FHIT: variants seen among roughly 807,000 people sequenced by gnomAD.
FHIT encodes the protein fragile histidine triad diadenosine triphosphatase.
A neutral mutation model predicts 17.9 loss-of-function variants in FHIT; 19 were observed. The ratio of observed to expected loss-of-function variants is 1.06; its 90% confidence interval spans 0.74 to 1.56. FHIT has a LOEUF of 1.56. FHIT is among the 40% of genes most tolerant of loss of function. FHIT has a pLI of 0.00. For missense variants in FHIT, 248 were observed against 189.2 expected (o/e 1.31, Z -1.82); for synonymous variants, 81 against 69.7 (o/e 1.16, Z -0.81).
chr3:60,279,799 AGACG>A (rs1442990567), intron 5 of FHIT, among the ~76,000 whole-genome samples: 1 of 152,160 alleles, frequency 6.6e-6, no homozygotes, highest in Admixed American at 6.5e-5. Flanking sequence ...TGGGAGGCCG[AGACG>A]GGCAGATCAG....
chr3:60,123,967 A>AATATATATATATATATATAT (rs1176212050), intron 5 of FHIT, among the ~76,000 whole-genome samples: 3 of 27,796 alleles, frequency 1.1e-4, no homozygotes, highest in Non-Finnish European at 1.9e-4. Flanking sequence ...ATGCACTAAA[A>AATATATATATATATATATAT]ATATATATAT....
chr3:60,690,640 T>C, intron 4 of FHIT: 1 of 521,130 alleles, frequency 1.9e-6, no homozygotes, highest in Non-Finnish European at 3.9e-6. Flanking sequence ...TGGAAGCTTG[T>C]CTGCAAACAG....
intron 8 of FHIT, among the ~76,000 whole-genome samples, chr3:59,786,037 A>C (rs901938777): frequency 6.6e-6 from 1 of 152,214 alleles, no homozygotes; most frequent in African/African-American, 2.4e-5. Flanking sequence ...GACATGCAGC[A>C]TGGCAGAATA....
chr3:60,961,274 G>A (rs1709427128), intron 3 of FHIT, among the ~76,000 whole-genome samples: 1 of 145,944 alleles, frequency 6.9e-6, no homozygotes, highest in African/African-American at 2.4e-5. Context: ...ACTTTTTGAT[G>A]GGGTTGTTTG....
intron 3 of FHIT, among the ~76,000 whole-genome samples, chr3:60,877,682 T>C (rs1704734061): frequency 6.6e-6 from 1 of 152,158 alleles, no homozygotes; most frequent in African/African-American, 2.4e-5. Flanking sequence ...ATCCCAGGGC[T>C]GAGCTGATGT....
At chr3:61,141,786 G>C (rs1435224532) in intron 2 of FHIT, among the ~76,000 whole-genome samples, 1 of 151,558 alleles carries the variant, frequency 6.6e-6, no homozygotes, top group Non-Finnish European at 1.5e-5. Flanking sequence ...TCTCAGGATT[G>C]TAATGGCAAT....
At chr3:60,508,396 T>C (rs2034819520) in intron 5 of FHIT, among the ~76,000 whole-genome samples, 3 of 152,184 alleles carry the variant, frequency 2.0e-5, no homozygotes, top group Non-Finnish European at 2.9e-5. Context: ...TACTTGAAAA[T>C]AACCCATAAT....
chr3:60,026,711 G>A lies in FHIT; in HGVS notation c.104-12559C>T, dbSNP rs149891685. Among the ~76,000 whole-genome samples, 16 of 152,090 alleles carry A rather than the reference G, an allele frequency of 1.1e-4. No homozygotes were observed. The East Asian group carries it at 2.1e-3, about 20-fold the overall frequency. ...GGAAAAATATTGTAAATATTTAAAC[G>A]CATTTAGAATTTGCAAGTTTTTTTC... On this transcript the variant is annotated intron_variant, in intron 5 of 9. Coordinates refer to ENST00000492590, the MANE Select transcript of FHIT (RefSeq NM_002012.4).
In FHIT at chr3:60,848,304, T is replaced by C. The variant is rs150884513; in HGVS notation, c.-110-26293A>G. The stretch of plus-strand genomic sequence containing the variant: ...TTTACAGGGGTTTTCATTTAGAAAC[T>C]ATTGAGAACTTTACTATCAAATTGT... On this transcript the variant is annotated intron_variant, in intron 3 of 9. Transcript: ENST00000492590. Among the ~76,000 whole-genome samples the C allele has an allele frequency of 9.4e-3, 1,437 of 152,308 alleles. 10 individuals carry two copies. Among genetic ancestry groups the C allele is most frequent in the Non-Finnish European group, 0.014 (973 of 68,034 alleles).
At position 60,130,628 on chromosome 3, in the gene FHIT, T is replaced by C. The variant is rs111397342; in HGVS notation, c.104-116476A>G. 4.0e-3 allele frequency among the ~76,000 whole-genome samples: 283 copies of C among 69,984 alleles called. 1 individual carries two copies. The highest frequency in any genetic ancestry group is 0.015 in the African/African-American group (262 of 17,094). 45.9% of individuals were successfully genotyped at this position (69,984 alleles called of 152,430 possible). On this transcript the variant is annotated intron_variant, in intron 5 of 9. Coordinates refer to ENST00000492590, the MANE Select transcript of FHIT (RefSeq NM_002012.4). ...GTGACCTATAAATAATGAAATCATA[T>C]ACAAAAATAAAGAAACACCCCACAT...
At chr3:60,241,529 TA>T (rs1004135344) in intron 5 of FHIT, among the ~76,000 whole-genome samples, 1 of 152,184 alleles carries the variant, frequency 6.6e-6, no homozygotes, top group Admixed American at 6.5e-5. Context: ...ATCTTCCTAT[TA>T]ATCTGTAGTT....
At chr3:60,788,247 C>T (rs761390249) in intron 4 of FHIT, among the ~76,000 whole-genome samples, 7 of 152,012 alleles carry the variant, frequency 4.6e-5, no homozygotes, top group Non-Finnish European at 8.8e-5. Flanking sequence ...ACTATGATTG[C>T]ACCACTGCAC....
In FHIT at chr3:60,912,751, C is replaced by T. The variant is rs115503517; in HGVS notation, c.-110-90740G>A. On this transcript the variant is annotated intron_variant, in intron 3 of 9. Transcript: ENST00000492590. ...TCCATTAGTTCCCCCATATATTTACCTTCTCACAATTTGCAGAAACTCAAA... is the reference window on the plus strand; with the variant it reads ...TCCATTAGTTCCCCCATATATTTACTTTCTCACAATTTGCAGAAACTCAAA... 1,001 of 516,416 alleles carry T rather than the reference C, an allele frequency of 1.9e-3. 6 individuals carry two copies. The highest frequency in any genetic ancestry group is 0.016 in the African/African-American group (846 of 52,002). 32.0% of individuals were successfully genotyped at this position (516,416 alleles called of 1,614,324 possible).
chr3:61,175,965 G>A (rs561206943), intron 2 of FHIT, among the ~76,000 whole-genome samples: 3 of 152,364 alleles, frequency 2.0e-5, no homozygotes, highest in Non-Finnish European at 4.4e-5. Flanking sequence ...TGCCTTGGAA[G>A]TAGACAGATA....
chr3:60,667,781 T>C lies in FHIT; in HGVS notation c.-17-130802A>G, dbSNP rs146057418. 4.0e-4 allele frequency among the ~76,000 whole-genome samples: 61 copies of C among 152,260 alleles called. 1 individual carries two copies. Among genetic ancestry groups the C allele is most frequent in the African/African-American group, 1.4e-3 (59 of 41,552 alleles). ...AACCCTGTTAAATTAATCATGTGGG[T>C]CTTGGCTACTTTTATCAGCTGTGGC... On this transcript the variant is annotated intron_variant, in intron 4 of 9. Coordinates refer to ENST00000492590, the MANE Select transcript of FHIT (RefSeq NM_002012.4).
intron 5 of FHIT, among the ~76,000 whole-genome samples, chr3:60,192,986 T>C (rs1269901918): frequency 1.3e-5 from 2 of 152,236 alleles, no homozygotes; most frequent in African/African-American, 4.8e-5. Flanking sequence ...TCATTCATTC[T>C]AAATGACACT....
intron 4 of FHIT, among the ~76,000 whole-genome samples, chr3:60,798,390 A>G (rs1553731099): frequency 6.6e-6 from 1 of 152,250 alleles, no homozygotes; most frequent in African/African-American, 2.4e-5. Flanking sequence ...CATGTACAAT[A>G]ATAATCAAGA....
At chr3:60,412,129 A>C (rs945324371) in intron 5 of FHIT, among the ~76,000 whole-genome samples, 1 of 152,124 alleles carries the variant, frequency 6.6e-6, no homozygotes, top group Non-Finnish European at 1.5e-5. Context: ...AGTCTCAACT[A>C]CTTAGGAAGC....
At chr3:60,629,594 A>C (rs549430291) in intron 4 of FHIT, among the ~76,000 whole-genome samples, 1 of 152,322 alleles carries the variant, frequency 6.6e-6, no homozygotes, top group South Asian at 2.1e-4. Flanking sequence ...GTATTAAAGC[A>C]GAATTAAAGT....
Sources: allele counts gnomAD v4.1 joint callset (sites outside exome capture counted in the v4.1 genomes callset), GRCh38; gene constraint gnomAD v4.1.1; transcripts MANE v1.5; gene names NCBI Gene and HGNC (gene_info 2026-07-23, HGNC 2026-07-21).